The following PARPBP variants were observed in gnomAD, a reference collection of about 807,000 sequenced individuals.
PARPBP encodes the protein PARP1 binding protein.
Under a neutral mutation model 50.0 loss-of-function variants are expected in PARPBP, and 52 were observed. The observed-to-expected ratio is 1.04, with a 90% CI of 0.83 to 1.31. PARPBP has a LOEUF of 1.31. PARPBP is among the 50% of genes most tolerant of loss of function. The pLI is 0.00. For synonymous variants in PARPBP, 244 were observed against 232.1 expected, an observed-to-expected ratio of 1.05 and a Z score of -0.47; for missense variants, 697 against 672.0, an observed-to-expected ratio of 1.04 and a Z score of -0.41.
chr12:102,137,865 T>C (rs1883897474), intron 2 of PARPBP, among the ~76,000 whole-genome samples: 2 of 152,224 alleles, frequency 1.3e-5, no homozygotes, highest in Admixed American at 1.3e-4. Context: ...TAGTATTCCA[T>C]GGTGTATATG....
intron 9 of PARPBP, among the ~76,000 whole-genome samples, chr12:102,188,820 AAC>A (rs2137246932): frequency 1.3e-5 from 2 of 152,284 alleles, no homozygotes; most frequent in South Asian, 4.1e-4. Flanking sequence ...GGAGAATTCC[AAC>A]AGAGATTTAG....
At chr12:102,123,135 T>C (rs1041148566) in intron 1 of PARPBP, among the ~76,000 whole-genome samples, 2 of 152,158 alleles carry the variant, frequency 1.3e-5, no homozygotes, top group African/African-American at 4.8e-5. Flanking sequence ...AGGGTTTTTA[T>C]TGGGGGCTAA....
rs570388298 is a variant in PARPBP at position 102,162,924 on chromosome 12, C to T, written c.496-1514C>T. ...TGGTGTCTTATGTAAGAACTCTTTG[C>T]CTTATTCCAGGTCATGAAGATTTTC... On this transcript the variant is annotated intron_variant, in intron 4 of 10. Transcript: ENST00000327680. 2.6e-5 allele frequency among the ~76,000 whole-genome samples: 4 copies of T among 151,940 alleles called. No homozygotes were observed. In the East Asian group the frequency reaches 7.7e-4, roughly 29 times the overall value.
chr12:102,164,042 A>C (rs950511112), intron 4 of PARPBP, among the ~76,000 whole-genome samples: 1 of 152,136 alleles, frequency 6.6e-6, no homozygotes, highest in Non-Finnish European at 1.5e-5. Flanking sequence ...AATATTTTAT[A>C]ACAACTCTGG....
At chr12:102,154,852 T>G (rs1015325744) in intron 4 of PARPBP, 1 of 455,742 alleles carries the variant, frequency 2.2e-6, no homozygotes, top group African/African-American at 2.0e-5. Context: ...AAGAGATAAC[T>G]GAGAGTCTAG....
rs916726677 is a variant in PARPBP, at chr12:102,139,742, A to G, written c.154-8488A>G. The stretch of plus-strand genomic sequence containing the variant: ...CTTTTCTGCATCTGTTGAGATAATC[A>G]TGTGGTTTTTGTCTTTGGTTCTGTT... On this transcript the variant is annotated intron_variant, in intron 2 of 10. Coordinates refer to ENST00000327680, the MANE Select transcript of PARPBP (RefSeq NM_017915.5). 5.9e-5 allele frequency among the ~76,000 whole-genome samples: 9 copies of G among 152,280 alleles called. No homozygotes were observed. In the East Asian group the frequency reaches 9.6e-4, roughly 16 times the overall value.
At chr12:102,152,308 C>T (rs920200601) in intron 3 of PARPBP, among the ~76,000 whole-genome samples, 1 of 152,088 alleles carries the variant, frequency 6.6e-6, no homozygotes, top group Non-Finnish European at 1.5e-5. Flanking sequence ...GATTTACTCT[C>T]AAACTGCAGG....
chr12:102,137,160 A>G (rs1389770434), intron 2 of PARPBP, among the ~76,000 whole-genome samples: 2 of 152,066 alleles, frequency 1.3e-5, no homozygotes, highest in African/African-American at 4.8e-5. Flanking sequence ...TCACCATGTT[A>G]GCCAGGATGG....
chr12:102,190,528 C>T (rs1594635159), intron 9 of PARPBP, among the ~76,000 whole-genome samples: 1 of 152,192 alleles, frequency 6.6e-6, no homozygotes, highest in East Asian at 1.9e-4. Context: ...GGTCTGTCTA[C>T]CCCACAGCCC....
intron 9 of PARPBP, among the ~76,000 whole-genome samples, chr12:102,187,573 T>C (rs1394536170): frequency 6.6e-6 from 1 of 152,150 alleles, no homozygotes; most frequent in Admixed American, 6.6e-5. Context: ...ATATACAATA[T>C]GTAATAAACT....
At chr12:102,187,344 A>C (rs1454353891) in intron 9 of PARPBP, among the ~76,000 whole-genome samples, 2 of 152,126 alleles carry the variant, frequency 1.3e-5, no homozygotes, top group African/African-American at 4.8e-5. Flanking sequence ...TAAGGTGTGC[A>C]TTCCTTTTTT....
chr12:102,197,185 G>A lies in PARPBP; in HGVS notation c.*894G>A. On this transcript the variant is annotated 3_prime_UTR_variant, in exon 11 of 11. Coordinates refer to ENST00000327680, the MANE Select transcript of PARPBP (RefSeq NM_017915.5). ...GGAGCCTGTGTTCTGTAAAGAGAAG[G>A]TTGATTTGGTTTTTAGCTATCGTAT... The A allele has an allele frequency of 1.9e-6, 3 of 1,599,082 alleles. No homozygotes were observed. Among genetic ancestry groups the A allele is most frequent in the Non-Finnish European group, 2.6e-6 (3 of 1,168,160 alleles).
At chr12:102,152,777 A>T in intron 3 of PARPBP, among the ~76,000 whole-genome samples, 1 of 147,608 alleles carries the variant, frequency 6.8e-6, no homozygotes, top group East Asian at 2.0e-4. Context: ...CATGACGATT[A>T]AAAAAAAAAG....
chr12:102,175,673 A>T lies in PARPBP; in HGVS notation c.1005+7A>T. ...TGACATCAGTCCTGCTCGGGTAATG[A>T]GCTTTTTATTTTTCATTATCCTTTT... On this transcript the variant is annotated splice_region_variant and intron_variant, in intron 7 of 10. Coordinates refer to ENST00000327680, the MANE Select transcript of PARPBP (RefSeq NM_017915.5). The T allele has an allele frequency of 1.9e-6, 3 of 1,554,502 alleles. No individual in the cohort carries two copies. Among genetic ancestry groups the T allele is most frequent in the Non-Finnish European group, 2.6e-6 (3 of 1,146,178 alleles).
chr12:102,196,885 GT>G lies in PARPBP; in HGVS notation c.*596del. On this transcript the variant is annotated 3_prime_UTR_variant, in exon 11 of 11. Transcript: ENST00000327680. Reference sequence around the variant, plus strand: ...TTGAGCCATGGTCTTATTTGATTTTGTTATGATTGCATCCAAATTCACTTTA... The same window carrying G: ...TTGAGCCATGGTCTTATTTGATTTTGTATGATTGCATCCAAATTCACTTTA... 2 of 1,204,472 alleles carry G rather than the reference GT, an allele frequency of 1.7e-6. No homozygotes were observed. Among genetic ancestry groups the G allele is most frequent in the East Asian group, 2.4e-5 (1 of 41,706 alleles). 74.6% of individuals were successfully genotyped at this position (1,204,472 alleles called of 1,614,324 possible).
intron 7 of PARPBP, among the ~76,000 whole-genome samples, chr12:102,176,601 T>A (rs1241923671): frequency 1.3e-5 from 2 of 152,198 alleles, no homozygotes; most frequent in African/African-American, 4.8e-5. Flanking sequence ...GACTACTGTG[T>A]TTTTAGAACA....
intron 9 of PARPBP, among the ~76,000 whole-genome samples, chr12:102,190,850 TGAA>T: frequency 6.6e-6 from 1 of 151,988 alleles, no homozygotes; most frequent in African/African-American, 2.4e-5. Flanking sequence ...TGGAGTGAAA[TGAA>T]ATGGGTGGGG....
intron 4 of PARPBP, among the ~76,000 whole-genome samples, chr12:102,155,904 C>T (rs991540008): frequency 5.3e-5 from 8 of 152,204 alleles, no homozygotes; most frequent in Non-Finnish European, 2.9e-5. Flanking sequence ...TCCTGCATGG[C>T]TAAATGCCCA....
chr12:102,178,651 CTTA>C lies in PARPBP; in HGVS notation c.1069_1071del (p.Leu357del). On this transcript the variant is annotated inframe_deletion, in exon 8 of 11. Transcript: ENST00000327680. ...ACTGTGGCAGAGATACTGTGAAAGC[CTTA>C]TTAGTTCTTTTGGACGAAGAAGCAG... 4 of 1,613,536 alleles carry C rather than the reference CTTA, an allele frequency of 2.5e-6. No homozygotes were observed. The highest frequency in any genetic ancestry group is 2.5e-6 in the Non-Finnish European group (3 of 1,179,632).
Sources: allele counts gnomAD v4.1 joint callset (sites outside exome capture counted in the v4.1 genomes callset), GRCh38; gene constraint gnomAD v4.1.1; transcripts MANE v1.5; gene names NCBI Gene and HGNC (gene_info 2026-07-23, HGNC 2026-07-21).